Variants in MRPS31 observed in about 807,000 individuals in gnomAD.
The protein encoded by MRPS31 is mitochondrial ribosomal protein S31, also known as small ribosomal subunit protein mS31.
MRPS31 carries 32 observed loss-of-function variants against 43.1 expected under a neutral mutation model. The ratio of observed to expected loss-of-function variants is 0.74; its 90% CI spans 0.56 to 1.00. The LOEUF (loss-of-function observed/expected upper bound fraction) is 1.00, where lower values mean the gene tolerates loss of function less well. MRPS31 is among the 50% of genes least tolerant of loss of function. The pLI, the probability that MRPS31 is intolerant of heterozygous loss-of-function variation, is 0.00. For missense variants in MRPS31, 437 were observed against 466.7 expected (o/e 0.94, Z 0.59); for synonymous variants, 165 against 161.6 (o/e 1.02, Z -0.16).
At chr13:40,766,217 T>G (rs1880839822) in intron 2 of MRPS31, among the ~76,000 whole-genome samples, 2 of 152,240 alleles carry the variant, frequency 1.3e-5, no homozygotes. Flanking sequence ...TCCTTTCCTT[T>G]CTCTGGATTG....
At chr13:40,735,687 G>T (rs572969345) in intron 6 of MRPS31, among the ~76,000 whole-genome samples, 1 of 152,054 alleles carries the variant, frequency 6.6e-6, no homozygotes, top group Admixed American at 6.6e-5. Context: ...ACCTCACACT[G>T]CAGGGTACTC....
chr13:40,752,493 T>C (rs1266862145), intron 5 of MRPS31: 1 of 152,246 alleles, frequency 6.6e-6, no homozygotes, highest in African/African-American at 2.4e-5. Context: ...GAACAAACAC[T>C]GAATTAACTT....
chr13:40,735,259 G>A (rs1367278665), intron 6 of MRPS31, among the ~76,000 whole-genome samples: 7 of 152,244 alleles, frequency 4.6e-5, no homozygotes, highest in African/African-American at 9.6e-5. Context: ...ATTATATCCC[G>A]CACCTGGCTC....
intron 5 of MRPS31, 69 bp downstream of exon 5, chr13:40,753,950 G>C (rs1880460560): frequency 2.0e-6 from 2 of 976,580 alleles, no homozygotes; most frequent in Admixed American, 2.2e-5. Context: ...CAAACTATTA[G>C]AACACTAAGG....
intron 6 of MRPS31, among the ~76,000 whole-genome samples, chr13:40,743,987 G>A (rs1030515355): frequency 4.6e-5 from 7 of 152,006 alleles, no homozygotes; most frequent in African/African-American, 1.5e-4. Flanking sequence ...AAAGAAAATG[G>A]GGTACATACA....
intron 2 of MRPS31, among the ~76,000 whole-genome samples, chr13:40,761,876 C>A (rs1472625119): frequency 6.7e-6 from 1 of 150,266 alleles, no homozygotes; most frequent in Non-Finnish European, 1.5e-5. Context: ...ATCTCTTGAC[C>A]TAGCAATTCC....
intron 2 of MRPS31, among the ~76,000 whole-genome samples, chr13:40,760,923 G>C (rs1252931722): frequency 6.6e-6 from 1 of 151,900 alleles, no homozygotes; most frequent in African/African-American, 2.4e-5. Flanking sequence ...AAGATTTTAA[G>C]GACTTAACTA....
At chr13:40,754,594 CTA>C (rs1307304010) in intron 4 of MRPS31, among the ~76,000 whole-genome samples, 2 of 152,164 alleles carry the variant, frequency 1.3e-5, no homozygotes, top group East Asian at 1.9e-4. Flanking sequence ...CTTTACGTGA[CTA>C]TTTTTAATTA....
At chr13:40,758,909 G>C in intron 3 of MRPS31, 39 bp downstream of exon 3, 1 of 1,482,776 alleles carries the variant, frequency 6.7e-7, no homozygotes, top group South Asian at 1.5e-5. Flanking sequence ...CCCATTTTGA[G>C]ATATAAACAT....
chr13:40,743,701 C>A (rs1289951563), intron 6 of MRPS31, among the ~76,000 whole-genome samples: 2 of 152,154 alleles, frequency 1.3e-5, no homozygotes, highest in Non-Finnish European at 2.9e-5. Flanking sequence ...CTGAAAACAA[C>A]AGATGCTCCT....
At chr13:40,750,430 T>C (rs997621883) in intron 5 of MRPS31, among the ~76,000 whole-genome samples, 4 of 152,092 alleles carry the variant, frequency 2.6e-5, no homozygotes, top group African/African-American at 7.2e-5. Flanking sequence ...TGGAGGGTCA[T>C]GAAAATGTTT....
At chr13:40,732,845 C>T (rs1413338812) in intron 6 of MRPS31, among the ~76,000 whole-genome samples, 1 of 152,076 alleles carries the variant, frequency 6.6e-6, no homozygotes, top group Non-Finnish European at 1.5e-5. Flanking sequence ...CCAGCAGAAC[C>T]TAAACAGAAG....
At chr13:40,729,681 T>C (rs1879615522) in intron 6 of MRPS31, 80 bp from the exon 7 acceptor site, 3 of 954,654 alleles carry the variant, frequency 3.1e-6, no homozygotes, top group Non-Finnish European at 4.7e-6. Context: ...AATGAGGTAA[T>C]ATAATATTAC....
intron 5 of MRPS31, among the ~76,000 whole-genome samples, chr13:40,750,892 T>C (rs1880372315): frequency 6.6e-6 from 1 of 151,750 alleles, no homozygotes; most frequent in Non-Finnish European, 1.5e-5. Context: ...GTATCTGTAA[T>C]ATTTCCTTAG....
intron 6 of MRPS31, among the ~76,000 whole-genome samples, chr13:40,742,029 A>G (rs1026114813): frequency 7.9e-5 from 12 of 152,176 alleles, no homozygotes; most frequent in African/African-American, 2.9e-4. Flanking sequence ...GAGAGGACAT[A>G]TATCAAACTA....
rs960600173 is a variant in MRPS31 at position 40,766,941 on chromosome 13, T to A, written c.245A>T (p.Lys82Met). The change falls in exon 2 of 7, where the codon AAG becomes ATG. Residue 82 changes from lysine (K) to methionine (M), a missense_variant. Transcript: ENST00000323563. Reference sequence around the variant, plus strand: ...ACTGTCTTGGCTCTCTGAAGTCTCCTTGGAAGTCTCCTCAGTTCGAACAGA... The same window carrying A: ...ACTGTCTTGGCTCTCTGAAGTCTCCATGGAAGTCTCCTCAGTTCGAACAGA... ...KQSVRTEETS[K>M]ETSESQDSEK... 2 of 1,614,118 alleles carry A rather than the reference T, an allele frequency of 1.2e-6. No individual in the cohort carries two copies. Among genetic ancestry groups the A allele is most frequent in the Non-Finnish European group, 1.7e-6 (2 of 1,180,016 alleles).
chr13:40,750,733 T>C (rs1382882591), intron 5 of MRPS31, among the ~76,000 whole-genome samples: 1 of 115,572 alleles, frequency 8.7e-6, no homozygotes, highest in Non-Finnish European at 1.7e-5. Context: ...CTTGCATTAG[T>C]ATCCCATTTT....
At chr13:40,762,628 G>A (rs1233519706) in intron 2 of MRPS31, among the ~76,000 whole-genome samples, 1 of 151,610 alleles carries the variant, frequency 6.6e-6, no homozygotes, top group Non-Finnish European at 1.5e-5. Flanking sequence ...TAGAGACTGG[G>A]TCTCACTATG....
In MRPS31 at chr13:40,749,267, G is replaced by C. The variant is rs753233954; in HGVS notation, c.829C>G (p.Leu277Val). ...EAPETDTSPS[L>V]WDVEFAKQLA... ...TGCTTAGCAAATTCCACATCCCAAA[G>C]TGAAGGTGATGTGTCTACATAATAA... is the stretch of plus-strand genomic sequence containing the variant. The change falls in exon 6 of 7, where the codon CTT (leucine) becomes GTT (valine). Residue 277 changes from leucine (L) to valine (V), a missense_variant. Coordinates refer to ENST00000323563, the MANE Select transcript of MRPS31 (RefSeq NM_005830.4). 1 of 1,585,726 alleles carries C rather than the reference G, an allele frequency of 6.3e-7. No homozygotes were observed. The highest frequency in any genetic ancestry group is 2.3e-5 in the East Asian group (1 of 43,446).
Sources: allele counts gnomAD v4.1 joint callset (sites outside exome capture counted in the v4.1 genomes callset), GRCh38; gene constraint gnomAD v4.1.1; transcripts MANE v1.5; gene names NCBI Gene and HGNC (gene_info 2026-07-23, HGNC 2026-07-21).